The following PTPRD variants were observed in gnomAD, a reference collection of about 807,000 sequenced individuals.
PTPRD encodes receptor-type tyrosine-protein phosphatase delta.
A neutral mutation model predicts 214.5 loss-of-function variants in PTPRD; 34 were observed. That is an observed-to-expected ratio of 0.16 (90% CI 0.12 to 0.21). The LOEUF (loss-of-function observed/expected upper bound fraction) is 0.21, where lower values mean the gene tolerates loss of function less well. PTPRD is among the 10% of genes least tolerant of loss of function. PTPRD has a pLI of 1.00. For missense variants in PTPRD, 2,545 were observed against 2,398.7 expected (o/e 1.06, Z -1.27); for synonymous variants, 1,128 against 845.7 (o/e 1.33, Z -5.79).
chr9:9,332,548 G>T lies in PTPRD; in HGVS notation c.-203+64901C>A, dbSNP rs117957543. ...AATCTGTTTCATTTATGTTGGAGAT[G>T]AAAACAAAATTAAGAAAATAGAAGT... On this transcript the variant is annotated intron_variant, in intron 9 of 45. Transcript: ENST00000381196. 4.3e-3 allele frequency among the ~76,000 whole-genome samples: 618 copies of T among 143,242 alleles called. 2 individuals are homozygous for T. Among genetic ancestry groups the T allele is most frequent in the Non-Finnish European group, 5.8e-3 (384 of 65,982 alleles). The allele number at this position is 143,242 out of a possible 152,430, so 94.0% of individuals were successfully genotyped here.
In PTPRD at chr9:10,408,389, A is replaced by T. The variant is rs555854782; in HGVS notation, c.-599-67372T>A. Among the ~76,000 whole-genome samples the T allele has an allele frequency of 1.8e-3, 280 of 151,660 alleles. 1 individual carries two copies. Among genetic ancestry groups the T allele is most frequent in the Non-Finnish European group, 3.5e-3 (236 of 67,760 alleles). ...TCACTATGTCCATGGATAGGCAAAG[A>T]GCTGACGGTCTGTAATAAAAAAGCA... On this transcript the variant is annotated intron_variant, in intron 2 of 45. Coordinates refer to ENST00000381196, the MANE Select transcript of PTPRD (RefSeq NM_002839.4).
At chr9:10,128,834 A>G (rs907504654) in intron 3 of PTPRD, among the ~76,000 whole-genome samples, 4 of 152,140 alleles carry the variant, frequency 2.6e-5, no homozygotes, top group Non-Finnish European at 5.9e-5. Context: ...TTAATAAGTC[A>G]CCTGGGAGAT....
At chr9:8,915,897 G>A (rs1041261237) in intron 11 of PTPRD, among the ~76,000 whole-genome samples, 5 of 152,120 alleles carry the variant, frequency 3.3e-5, no homozygotes, top group Admixed American at 2.6e-4. Flanking sequence ...CAATATCTGG[G>A]CATCCGGTGG....
chr9:10,295,699 C>A (rs950225128), intron 3 of PTPRD, among the ~76,000 whole-genome samples: 1 of 152,034 alleles, frequency 6.6e-6, no homozygotes, highest in Non-Finnish European at 1.5e-5. Context: ...AAAAGGAATT[C>A]TTCAGATGTA....
intron 5 of PTPRD, among the ~76,000 whole-genome samples, chr9:9,845,990 C>T (rs566119361): frequency 7.2e-5 from 11 of 152,036 alleles, no homozygotes; most frequent in Non-Finnish European, 1.5e-4. Context: ...CTGGGAGGAA[C>T]TAAGGCGGGC....
At chr9:10,244,991 T>C (rs969407518) in intron 3 of PTPRD, among the ~76,000 whole-genome samples, 6 of 152,132 alleles carry the variant, frequency 3.9e-5, no homozygotes, top group African/African-American at 1.4e-4. Flanking sequence ...TCATTAATAA[T>C]AAAAATGAAA....
intron 3 of PTPRD, among the ~76,000 whole-genome samples, chr9:10,212,387 G>T (rs541946040): frequency 6.6e-6 from 1 of 152,200 alleles, no homozygotes; most frequent in Middle Eastern, 3.4e-3. Context: ...ATGAAGAAAA[G>T]AATGCTGTTA....
At chr9:10,049,562 T>C (rs568941193) in intron 3 of PTPRD, among the ~76,000 whole-genome samples, 3 of 152,280 alleles carry the variant, frequency 2.0e-5, no homozygotes, top group African/African-American at 7.2e-5. Context: ...TTTGAGGTCA[T>C]TGTTAATAAA....
intron 12 of PTPRD, among the ~76,000 whole-genome samples, chr9:8,642,998 C>A (rs1595911396): frequency 6.6e-6 from 1 of 152,026 alleles, no homozygotes; most frequent in Non-Finnish European, 1.5e-5. Context: ...TCTACATGAA[C>A]CAGGGCCTGT....
intron 5 of PTPRD, among the ~76,000 whole-genome samples, chr9:9,868,041 C>T (rs1416581876): frequency 6.6e-6 from 1 of 152,142 alleles, no homozygotes; most frequent in East Asian, 1.9e-4. Flanking sequence ...GTAGGAAAAA[C>T]GGCCTTCTCC....
At chr9:9,165,551 A>G in intron 10 of PTPRD, among the ~76,000 whole-genome samples, 1 of 152,218 alleles carries the variant, frequency 6.6e-6, no homozygotes, top group Admixed American at 6.5e-5. Flanking sequence ...TTGGAAAGAT[A>G]AAAAAGAGCC....
intron 12 of PTPRD, among the ~76,000 whole-genome samples, chr9:8,722,119 TACTCTGTGTG>T (rs1403060429): frequency 8.5e-6 from 1 of 117,620 alleles, no homozygotes; most frequent in African/African-American, 3.2e-5. Flanking sequence ...CATTAAGTAT[TACTCTGTGTG>T]TGTGTGTGTG....
chr9:9,134,249 T>G (rs1416113139), intron 10 of PTPRD, among the ~76,000 whole-genome samples: 1 of 147,738 alleles, frequency 6.8e-6, no homozygotes, highest in Non-Finnish European at 1.5e-5. Context: ...ATTTTTTGTA[T>G]TTTTTAGTAG....
intron 8 of PTPRD, among the ~76,000 whole-genome samples, chr9:9,480,926 TGC>T (rs1354727313): frequency 1.3e-5 from 2 of 152,212 alleles, no homozygotes; most frequent in African/African-American, 4.8e-5. Flanking sequence ...TTCCTTCATA[TGC>T]CACATGCTAC....
chr9:9,917,857 A>G (rs556699566), intron 5 of PTPRD, among the ~76,000 whole-genome samples: 2 of 152,042 alleles, frequency 1.3e-5, no homozygotes, highest in Non-Finnish European at 2.9e-5. Context: ...CAATACATAC[A>G]TTTGACACTA....
intron 7 of PTPRD, among the ~76,000 whole-genome samples, chr9:9,687,654 C>T (rs1268513846): frequency 1.3e-5 from 2 of 151,548 alleles, no homozygotes; most frequent in Non-Finnish European, 3.0e-5. Context: ...AAAGATTATG[C>T]AATCTTTAAC....
chr9:10,151,437 A>AT (rs1203529146), intron 3 of PTPRD, among the ~76,000 whole-genome samples: 1 of 151,358 alleles, frequency 6.6e-6, no homozygotes, highest in African/African-American at 2.4e-5. Flanking sequence ...TAATTTTTGT[A>AT]TTTTTAGTAG....
chr9:8,968,567 C>T (rs2099215112), intron 11 of PTPRD, among the ~76,000 whole-genome samples: 1 of 151,966 alleles, frequency 6.6e-6, no homozygotes. Context: ...TTATGTATTA[C>T]CTCATTCAGT....
intron 2 of PTPRD, among the ~76,000 whole-genome samples, chr9:10,430,768 T>A (rs1248410151): frequency 6.6e-6 from 1 of 151,984 alleles, no homozygotes; most frequent in African/African-American, 2.4e-5. Context: ...TATGTTTTAG[T>A]CATTTTAATA....
Sources: gnomAD v4.1 joint callset for allele counts (sites outside exome capture counted in the v4.1 genomes callset) on GRCh38, gnomAD v4.1.1 for gene constraint, MANE v1.5 for transcripts, NCBI Gene and HGNC (gene_info 2026-07-23, HGNC 2026-07-21) for gene names.